RANBP2: variants seen among roughly 807,000 people sequenced by gnomAD.
RANBP2 encodes RAN binding protein 2.
Under a neutral mutation model 303.6 loss-of-function variants are expected in RANBP2, and 57 were observed. The observed-to-expected ratio is 0.19, with a 90% CI of 0.15 to 0.23. RANBP2 has a LOEUF of 0.23. RANBP2 is among the 10% of genes least tolerant of loss of function. The pLI is 1.00. For missense variants in RANBP2, 3,138 were observed against 3,780.8 expected, an observed-to-expected ratio of 0.83 and a Z score of 4.46; for synonymous variants, 1,167 against 1,301.5, an observed-to-expected ratio of 0.90 and a Z score of 2.23.
chr2:108,905,698 TAAG>T, the RANBP2 span, among the ~76,000 whole-genome samples: 7 of 152,110 alleles, frequency 4.6e-5, no homozygotes, highest in Non-Finnish European at 7.4e-5. Flanking sequence ...TTGGGGTTAA[TAAG>T]AAGGTAATTT....
chr2:108,853,939 TATA>T, the RANBP2 span, among the ~76,000 whole-genome samples: 1 of 123,722 alleles, frequency 8.1e-6, no homozygotes. Flanking sequence ...ATAATTTATA[TATA>T]ATATACAATA....
chr2:109,322,729 T>A, the RANBP2 span, among the ~76,000 whole-genome samples: 2 of 152,220 alleles, frequency 1.3e-5, no homozygotes, highest in Non-Finnish European at 2.9e-5. Flanking sequence ...AAGAGGTAGA[T>A]GATCAGCTCA....
At chr2:109,373,292 C>G in the RANBP2 span, among the ~76,000 whole-genome samples, 22 of 152,236 alleles carry the variant, frequency 1.4e-4, no homozygotes, top group African/African-American at 4.8e-4. Flanking sequence ...AGCTCTCGGA[C>G]ATTTTTAGCT....
the RANBP2 span, among the ~76,000 whole-genome samples, chr2:108,915,846 G>A: frequency 2.6e-5 from 4 of 151,806 alleles, no homozygotes; most frequent in Non-Finnish European, 5.9e-5. Flanking sequence ...GCAGTGAGTC[G>A]AGACCACGCC....
At chr2:109,251,264 A>G in the RANBP2 span, among the ~76,000 whole-genome samples, 1 of 152,090 alleles carries the variant, frequency 6.6e-6, no homozygotes, top group African/African-American at 2.4e-5. Flanking sequence ...CAGCCTCCCA[A>G]AGTGCTGGGA....
At chr2:108,788,592 C>T (rs535430651), downstream of RANBP2, among the ~76,000 whole-genome samples, 188 of 151,736 alleles carry the variant, frequency 1.2e-3, no homozygotes, top group African/African-American at 4.4e-3. Context: ...TGGTGGCGGG[C>T]TCCTGTAGTC....
the RANBP2 span, among the ~76,000 whole-genome samples, chr2:109,394,446 G>T: frequency 2.0e-3 from 308 of 152,306 alleles, 2 homozygotes; most frequent in Non-Finnish European, 1.7e-3. Context: ...GGTGGCCCCT[G>T]CAGAGGGGCC....
chr2:109,647,320 C>G, the RANBP2 span, among the ~76,000 whole-genome samples: 4 of 151,820 alleles, frequency 2.6e-5, no homozygotes, highest in African/African-American at 9.7e-5. Flanking sequence ...TGTGCCACCA[C>G]GGCCAGATAA....
At chr2:109,653,990 T>C in the RANBP2 span, among the ~76,000 whole-genome samples, 1 of 152,166 alleles carries the variant, frequency 6.6e-6, no homozygotes, top group Non-Finnish European at 1.5e-5. Flanking sequence ...GGTCTGGAAG[T>C]AATAAGCAGA....
chr2:109,283,575 C>T, the RANBP2 span, among the ~76,000 whole-genome samples: 1 of 152,170 alleles, frequency 6.6e-6, no homozygotes, highest in African/African-American at 2.4e-5. Context: ...AGGATGGGGG[C>T]ACACTTCAGC....
the RANBP2 span, among the ~76,000 whole-genome samples, chr2:109,382,751 G>A: frequency 2.0e-5 from 3 of 152,208 alleles, no homozygotes; most frequent in Admixed American, 1.3e-4. Context: ...GCCCCATCCA[G>A]GGCCCGCAGC....
At chr2:109,141,902 A>G in the RANBP2 span, among the ~76,000 whole-genome samples, 1 of 151,556 alleles carries the variant, frequency 6.6e-6, no homozygotes, top group Non-Finnish European at 1.5e-5. Flanking sequence ...TGCTTCTCCT[A>G]CCTCCTGCAA....
chr2:108,936,310 A>G, the RANBP2 span, among the ~76,000 whole-genome samples: 3 of 152,182 alleles, frequency 2.0e-5, no homozygotes, highest in African/African-American at 7.2e-5. Context: ...CAGCGTGCTT[A>G]CCTGGCCTGG....
chr2:108,732,452 A>C (rs911086452), intron 4 of RANBP2, among the ~76,000 whole-genome samples: 2 of 152,204 alleles, frequency 1.3e-5, no homozygotes, highest in African/African-American at 4.8e-5. Context: ...GTATCCTGCA[A>C]ATATTCCAAA....
the RANBP2 span, among the ~76,000 whole-genome samples, chr2:109,650,187 C>G: frequency 6.6e-6 from 1 of 152,190 alleles, no homozygotes; most frequent in Non-Finnish European, 1.5e-5. Flanking sequence ...GGTGAGGCTA[C>G]AGCACACACA....
chr2:109,698,638 A>C, the RANBP2 span, among the ~76,000 whole-genome samples: 5 of 150,822 alleles, frequency 3.3e-5, no homozygotes, highest in African/African-American at 4.9e-5. Context: ...GTATTAATTG[A>C]GATTTTCCTC....
chr2:109,138,169 C>T, the RANBP2 span, among the ~76,000 whole-genome samples: 1 of 152,174 alleles, frequency 6.6e-6, no homozygotes, highest in Non-Finnish European at 1.5e-5. Flanking sequence ...GCGAGCACCA[C>T]CACGCCCGGC....
At chr2:109,334,814 T>C in the RANBP2 span, among the ~76,000 whole-genome samples, 8 of 152,330 alleles carry the variant, frequency 5.3e-5, no homozygotes, top group East Asian at 1.2e-3. Context: ...AACTAGAATG[T>C]TATGTGCCAC....
the RANBP2 span, among the ~76,000 whole-genome samples, chr2:109,310,260 G>T: frequency 2.1e-5 from 1 of 48,604 alleles, no homozygotes; most frequent in Non-Finnish European, 3.4e-5. Context: ...ATAACGAAAT[G>T]AAGGCAGAAA....
Sources: allele counts gnomAD v4.1 joint callset (sites outside exome capture counted in the v4.1 genomes callset), GRCh38; gene constraint gnomAD v4.1.1; transcripts MANE v1.5; gene names NCBI Gene and HGNC (gene_info 2026-07-23, HGNC 2026-07-21).